The following IMPG2 variants were observed in gnomAD, a reference collection of about 807,000 sequenced individuals.
IMPG2 encodes the protein interphotoreceptor matrix proteoglycan 2.
IMPG2 carries 91 observed loss-of-function variants against 129.2 expected under a neutral mutation model. The observed-to-expected ratio is 0.70, with a 90% CI of 0.59 to 0.84. IMPG2 has a LOEUF of 0.84. IMPG2 is among the 40% of genes least tolerant of loss of function. The probability of loss-of-function intolerance (pLI) is 0.00; values close to 1 mark genes in which losing one functional copy is unlikely to be tolerated. For synonymous variants in IMPG2, 510 were observed against 517.7 expected, an observed-to-expected ratio of 0.99 and a Z score of 0.20; for missense variants, 1,430 against 1,461.7, an observed-to-expected ratio of 0.98 and a Z score of 0.35.
At chr3:101,230,292 T>C (rs768283484) in intron 16 of IMPG2, among the ~76,000 whole-genome samples, 1 of 152,220 alleles carries the variant, frequency 6.6e-6, no homozygotes, top group African/African-American at 2.4e-5. Context: ...TTATGATCCT[T>C]GCATCCTGAG....
chr3:101,292,519 G>A (rs1484028041), intron 3 of IMPG2, among the ~76,000 whole-genome samples: 1 of 152,160 alleles, frequency 6.6e-6, no homozygotes, highest in African/African-American at 2.4e-5. Context: ...AATCCTCTGA[G>A]CTTTCAGCAA....
rs1226696413 is a variant in IMPG2 at position 101,224,216 on chromosome 3, T to C, written c.*2753A>G. 1 of 152,164 alleles carries C rather than the reference T, an allele frequency of 6.6e-6. No homozygotes were observed. The highest frequency in any genetic ancestry group is 1.5e-5 in the Non-Finnish European group (1 of 68,030). The allele number at this position is 152,164 out of a possible 1,614,324, so 9.4% of individuals were successfully genotyped here. A position where few individuals can be genotyped will look rare whatever the true frequency, so the allele number is the denominator to read the frequency against. ...AACAAACACCCTTAAACCATTGCAA[T>C]GGTGAAAATGGAGCCCTATTTATCA... On this transcript the variant is annotated 3_prime_UTR_variant, in exon 19 of 19. Transcript: ENST00000193391.
rs1431767943 is a variant in IMPG2 at position 101,244,648 on chromosome 3, C to T, written c.1683G>A (p.Leu561=). ...SDVSLTSSPY[L]TSSIPFGLDS... is the part of the protein sequence containing the mutation. Reference sequence around the variant, plus strand: ...CCAAGCCAAAAGGTATAGAAGAGGTCAGATATGGTGAAGATGTTAAGGACA... The same window carrying T: ...CCAAGCCAAAAGGTATAGAAGAGGTTAGATATGGTGAAGATGTTAAGGACA... The change falls in exon 13 of 19, where the codon CTG becomes CTA. Residue 561 remains leucine, a synonymous_variant. Transcript: ENST00000193391. 6.2e-7 allele frequency: 1 copy of T among 1,613,408 alleles called. No homozygotes were observed. The highest frequency in any genetic ancestry group is 8.5e-7 in the Non-Finnish European group (1 of 1,179,804).
Position 101,226,968 on chromosome 3 carries a change from G to A in IMPG2, c.*1C>T. On this transcript the variant is annotated 3_prime_UTR_variant, in exon 19 of 19. Transcript: ENST00000193391. ...AATCAGTTTCAGAACAGGAGTTTTGGTTAAACCTCTTCCCTGCCATGAAAA... is the reference window on the plus strand; with the variant it reads ...AATCAGTTTCAGAACAGGAGTTTTGATTAAACCTCTTCCCTGCCATGAAAA... 1 of 1,613,400 alleles carries A rather than the reference G, an allele frequency of 6.2e-7. No individual in the cohort carries two copies. The highest frequency in any genetic ancestry group is 8.5e-7 in the Non-Finnish European group (1 of 1,179,674).
chr3:101,298,144 A>G (rs1425833634), intron 3 of IMPG2, among the ~76,000 whole-genome samples: 2 of 152,012 alleles, frequency 1.3e-5, no homozygotes, highest in Non-Finnish European at 2.9e-5. Context: ...TCCCTTTACT[A>G]TTATGTAATG....
At chr3:101,273,777 G>C (rs200465273) in intron 6 of IMPG2, 35 bp from the exon 7 acceptor site, 2 of 1,586,712 alleles carry the variant, frequency 1.3e-6, no homozygotes, top group Admixed American at 1.7e-5. Context: ...AAATGTCAAG[G>C]CTTATTCATT....
At chr3:101,319,111 G>C (rs1226295146) in intron 2 of IMPG2, among the ~76,000 whole-genome samples, 1 of 152,012 alleles carries the variant, frequency 6.6e-6, no homozygotes, top group Non-Finnish European at 1.5e-5. Flanking sequence ...GTATACTTAG[G>C]CATTTACTGT....
intron 15 of IMPG2, among the ~76,000 whole-genome samples, chr3:101,232,364 A>G (rs552310117): frequency 1.3e-5 from 2 of 152,086 alleles, no homozygotes; most frequent in East Asian, 3.9e-4. Flanking sequence ...TAGCCTCACA[A>G]GTAGCTGGGA....
intron 3 of IMPG2, among the ~76,000 whole-genome samples, chr3:101,302,349 ATAAT>A (rs1014872071): frequency 6.6e-6 from 1 of 152,212 alleles, no homozygotes; most frequent in Non-Finnish European, 1.5e-5. Context: ...TATTGCGGAC[ATAAT>A]TAAGATAGGC....
intron 7 of IMPG2, among the ~76,000 whole-genome samples, chr3:101,271,014 G>A (rs753782453): frequency 7.2e-5 from 11 of 151,994 alleles, no homozygotes; most frequent in Non-Finnish European, 1.3e-4. Context: ...AAAAATCTTG[G>A]TTGACTGAAG....
At chr3:101,318,418 A>G (rs1455094554) in intron 2 of IMPG2, among the ~76,000 whole-genome samples, 3 of 152,040 alleles carry the variant, frequency 2.0e-5, no homozygotes, top group Admixed American at 1.3e-4. Context: ...AGAAATAGAA[A>G]TACACTCATA....
intron 4 of IMPG2, among the ~76,000 whole-genome samples, chr3:101,278,177 G>T (rs1466248901): frequency 6.6e-6 from 1 of 152,224 alleles, no homozygotes; most frequent in Non-Finnish European, 1.5e-5. Context: ...AGAGGCTGCA[G>T]TGAGCCAAGA....
chr3:101,261,825 A>C (rs866898867), intron 9 of IMPG2, among the ~76,000 whole-genome samples: 8 of 152,110 alleles, frequency 5.3e-5, no homozygotes, highest in Non-Finnish European at 7.4e-5. Context: ...ATACATGAGA[A>C]GCAGAATACA....
rs116191500 is a variant in IMPG2, at chr3:101,290,601, G to T, written c.533+878C>A. ...AGTAAATGCTCAATCCCACACCCTG[G>T]TATAGACTCAGTGCCATTGGCTGTT... On this transcript the variant is annotated intron_variant, in intron 4 of 18. Transcript: ENST00000193391. 3.8e-3 allele frequency among the ~76,000 whole-genome samples: 575 copies of T among 152,198 alleles called. 1 individual carries two copies. The highest frequency in any genetic ancestry group is 6.0e-3 in the Non-Finnish European group (405 of 68,010).
rs537129715 is a variant in IMPG2 at position 101,254,776 on chromosome 3, G to C, written c.1154-995C>G. ...CCACCCAAATCTCATGTTGAATTGC[G>C]ATCCCAAGCGTTGAAGGTGGGGCCT... is the stretch of plus-strand genomic sequence containing the variant. On this transcript the variant is annotated intron_variant, in intron 10 of 18. Transcript: ENST00000193391. Among the ~76,000 whole-genome samples, 3 of 152,184 alleles carry C rather than the reference G, an allele frequency of 2.0e-5. No homozygotes were observed. The East Asian group carries it at 5.8e-4, about 29-fold the overall frequency.
intron 3 of IMPG2, among the ~76,000 whole-genome samples, chr3:101,300,395 C>T (rs1478067706): frequency 6.6e-6 from 1 of 152,250 alleles, no homozygotes; most frequent in Non-Finnish European, 1.5e-5. Context: ...GCTTAGACAG[C>T]AGGCAGCCAC....
intron 14 of IMPG2, among the ~76,000 whole-genome samples, chr3:101,234,646 C>T (rs1242323844): frequency 2.0e-5 from 3 of 152,132 alleles, no homozygotes; most frequent in African/African-American, 2.4e-5. Flanking sequence ...CATCTTTATC[C>T]GGGTATTCGT....
At position 101,235,730 on chromosome 3, in the gene IMPG2, G is replaced by T. The variant is rs560594476; in HGVS notation, c.3023-2739C>A. 1.6e-4 allele frequency among the ~76,000 whole-genome samples: 25 copies of T among 152,280 alleles called. No individual in the cohort carries two copies. The South Asian group carries it at 5.0e-3, about 30-fold the overall frequency. ...TTAATGATTCTATTGGGGAAACAAA[G>T]GTAGAGTTGGAGGTAAATTTAGGAT... On this transcript the variant is annotated intron_variant, in intron 14 of 18. Transcript: ENST00000193391.
At chr3:101,253,952 T>C (rs909284413) in intron 10 of IMPG2, among the ~76,000 whole-genome samples, 171 bp from the exon 11 acceptor site, 1 of 152,202 alleles carries the variant, frequency 6.6e-6, no homozygotes, top group African/African-American at 2.4e-5. Flanking sequence ...ATTTTATTTA[T>C]ATTAGCACAA....
Sources: gnomAD v4.1 joint callset for allele counts (sites outside exome capture counted in the v4.1 genomes callset) on GRCh38, gnomAD v4.1.1 for gene constraint, MANE v1.5 for transcripts, NCBI Gene and HGNC (gene_info 2026-07-23, HGNC 2026-07-21) for gene names.